The following KCNK2 variants were observed in gnomAD, a reference collection of about 807,000 sequenced individuals.
KCNK2 encodes potassium two pore domain channel subfamily K member 2.
A neutral mutation model predicts 40.5 loss-of-function variants in KCNK2; 21 were observed. The observed-to-expected ratio is 0.52, with a 90% CI of 0.37 to 0.75. KCNK2 has a LOEUF of 0.75. Among genes scored for constraint, KCNK2 ranks in the 30% least tolerant of loss-of-function variants. The pLI is 0.00. For synonymous variants in KCNK2, 191 were observed against 202.2 expected, an observed-to-expected ratio of 0.94 and a Z score of 0.47; for missense variants, 399 against 531.6, an observed-to-expected ratio of 0.75 and a Z score of 2.45.
chr1:215,219,958 T>C (rs1666106532), intron 6 of KCNK2, among the ~76,000 whole-genome samples: 1 of 152,200 alleles, frequency 6.6e-6, no homozygotes, highest in South Asian at 2.1e-4. Flanking sequence ...ACAGTTTCTC[T>C]ACCTTAGCCC....
rs1351928177 is a variant in KCNK2 at position 215,093,344 on chromosome 1, ATATATATAAAATATACATATAT to A, written c.357+6688_357+6709del. Among the ~76,000 whole-genome samples the A allele has an allele frequency of 7.8e-5, 11 of 141,828 alleles. No homozygotes were observed. The East Asian group carries it at 1.0e-3, about 13-fold the overall frequency. 93.0% of individuals were successfully genotyped at this position (141,828 alleles called of 152,430 possible). On this transcript the variant is annotated intron_variant, in intron 2 of 6. Coordinates refer to ENST00000444842, the MANE Select transcript of KCNK2 (RefSeq NM_001017425.3). Reference sequence around the variant, plus strand: ...ATATATATACATATATTAAATATACATATATATAAAATATACATATATTATATATAAAATATACATATAATAT... The same window carrying A: ...ATATATATACATATATTAAATATACATATATATAAAATATACATATAATAT...
intron 2 of KCNK2, among the ~76,000 whole-genome samples, chr1:215,105,124 G>A (rs552050631): frequency 6.6e-6 from 1 of 152,156 alleles, no homozygotes; most frequent in East Asian, 1.9e-4. Context: ...ATACAGTATC[G>A]TTGACTATGT....
intron 5 of KCNK2, among the ~76,000 whole-genome samples, chr1:215,178,547 C>A (rs74783819): frequency 7.9e-5 from 12 of 151,966 alleles, no homozygotes; most frequent in Admixed American, 7.9e-4. Flanking sequence ...TGCCTAATTT[C>A]TTGGGGATTT....
chr1:215,225,632 T>C (rs911209537), intron 6 of KCNK2, among the ~76,000 whole-genome samples: 26 of 152,204 alleles, frequency 1.7e-4, no homozygotes, highest in Non-Finnish European at 1.5e-5. Flanking sequence ...CAGATTTCTC[T>C]TACCAGTCAG....
At chr1:215,110,284 G>C (rs983745879) in intron 2 of KCNK2, among the ~76,000 whole-genome samples, 9 of 151,770 alleles carry the variant, frequency 5.9e-5, no homozygotes, top group Admixed American at 3.9e-4. Flanking sequence ...TAACATTTTT[G>C]CCTCGATCAA....
intron 6 of KCNK2, among the ~76,000 whole-genome samples, chr1:215,229,843 A>G (rs1211578446): frequency 6.6e-6 from 1 of 151,786 alleles, no homozygotes; most frequent in East Asian, 1.9e-4. Context: ...TATAGGGTAG[A>G]TTTCTATATA....
intron 2 of KCNK2, among the ~76,000 whole-genome samples, chr1:215,101,716 G>A (rs1660228433): frequency 6.6e-6 from 1 of 151,930 alleles, no homozygotes; most frequent in Admixed American, 6.6e-5. Context: ...ATATATGACG[G>A]TGGTCCAATT....
intron 4 of KCNK2, 104 bp from the exon 5 acceptor site, chr1:215,171,893 A>G: frequency 2.6e-6 from 2 of 764,278 alleles, no homozygotes; most frequent in Non-Finnish European, 4.0e-6. Flanking sequence ...TTGTGGGTAT[A>G]CAAGTAATTT....
At chr1:215,012,423 A>G (rs75743442) in intron 1 of KCNK2, among the ~76,000 whole-genome samples, 6,002 of 151,788 alleles carry the variant, frequency 0.04, 398 homozygotes, top group African/African-American at 0.14. Flanking sequence ...TGTTATTTGC[A>G]ATCTGATTAT....
chr1:215,191,616 G>C (rs765787541), intron 5 of KCNK2, among the ~76,000 whole-genome samples: 1 of 152,140 alleles, frequency 6.6e-6, no homozygotes, highest in Non-Finnish European at 1.5e-5. Flanking sequence ...TGTCATATAA[G>C]AATGTCAGGA....
intron 1 of KCNK2, among the ~76,000 whole-genome samples, chr1:215,018,111 T>C (rs1250379205): frequency 6.6e-6 from 1 of 152,204 alleles, no homozygotes. Context: ...ATGTATGATG[T>C]AGATATTGAT....
Position 215,236,045 on chromosome 1 carries a change from A to AATCTATC in KCNK2, c.*901_*907dup, listed in dbSNP as rs1553277251. The AATCTATC allele has an allele frequency of 1.4e-4, 20 of 144,302 alleles. No individual in the cohort carries two copies. The highest frequency in any genetic ancestry group is 6.5e-4 in the South Asian group (3 of 4,608). The allele number at this position is 144,302 out of a possible 1,614,324, so 8.9% of individuals were successfully genotyped here. The stretch of plus-strand genomic sequence containing the variant: ...TACATTTTTAAAGGCAGAAGAAGAA[A>AATCTATC]ATCTATCTATCTATCTATCTATCTA... On this transcript the variant is annotated 3_prime_UTR_variant, in exon 7 of 7. Transcript: ENST00000444842.
intron 3 of KCNK2, among the ~76,000 whole-genome samples, chr1:215,162,886 T>TTA (rs1663268284): frequency 6.6e-6 from 1 of 151,564 alleles, no homozygotes; most frequent in Admixed American, 6.6e-5. Flanking sequence ...TTTTTTTTTT[T>TTA]ATTAGGATCG....
chr1:215,206,911 TA>T (rs1261780053), intron 6 of KCNK2, among the ~76,000 whole-genome samples: 1 of 152,186 alleles, frequency 6.6e-6, no homozygotes, highest in Non-Finnish European at 1.5e-5. Context: ...CCATGCTTGG[TA>T]ATCAGACAGT....
chr1:215,073,493 C>T (rs12088480), intron 1 of KCNK2, among the ~76,000 whole-genome samples: 35,782 of 151,742 alleles, frequency 0.24, 5,741 homozygotes, highest in African/African-American at 0.46. Flanking sequence ...TACTGAGGTC[C>T]GAAGGATAAA....
chr1:215,233,967 C>G (rs1207441555), intron 6 of KCNK2, among the ~76,000 whole-genome samples: 1 of 152,006 alleles, frequency 6.6e-6, no homozygotes, highest in East Asian at 1.9e-4. Context: ...CTTTAATTCT[C>G]AAAAGATAAC....
chr1:215,232,505 G>A (rs1666709315), intron 6 of KCNK2, among the ~76,000 whole-genome samples: 1 of 152,126 alleles, frequency 6.6e-6, no homozygotes, highest in Non-Finnish European at 1.5e-5. Flanking sequence ...AGATTACAGA[G>A]TATGTGTATT....
chr1:215,009,591 A>G (rs1481610775), intron 1 of KCNK2, among the ~76,000 whole-genome samples: 6 of 151,884 alleles, frequency 4.0e-5, no homozygotes, highest in African/African-American at 7.3e-5. Flanking sequence ...GAGACTTTGC[A>G]TCTAGTATAA....
At chr1:215,012,690 T>C (rs951298066) in intron 1 of KCNK2, among the ~76,000 whole-genome samples, 1 of 150,822 alleles carries the variant, frequency 6.6e-6, no homozygotes, top group Non-Finnish European at 1.5e-5. Context: ...CTTGCTATGT[T>C]GCCCAGTTTC....
Sources: gnomAD v4.1 joint callset for allele counts (sites outside exome capture counted in the v4.1 genomes callset) on GRCh38, gnomAD v4.1.1 for gene constraint, MANE v1.5 for transcripts, NCBI Gene and HGNC (gene_info 2026-07-23, HGNC 2026-07-21) for gene names.